Variants in ZFAND6 observed in about 807,000 individuals in gnomAD.
ZFAND6 encodes the protein zinc finger AN1-type containing 6.
Under a neutral mutation model 24.5 loss-of-function variants are expected in ZFAND6, and 12 were observed. The observed-to-expected ratio is 0.49, with a 90% CI of 0.31 to 0.79. The LOEUF (loss-of-function observed/expected upper bound fraction) is 0.79, where lower values mean the gene tolerates loss of function less well. Ranked by LOEUF, ZFAND6 falls within the 30% of genes least tolerant of loss-of-function variation. The probability of loss-of-function intolerance (pLI) is 0.04; values close to 1 mark genes in which losing one functional copy is unlikely to be tolerated. For synonymous variants in ZFAND6, 92 were observed against 81.5 expected, an observed-to-expected ratio of 1.13 and a Z score of -0.69; for missense variants, 207 against 245.9, an observed-to-expected ratio of 0.84 and a Z score of 1.06.
At chr15:80,110,163 A>G (rs2039535124) in intron 2 of ZFAND6, among the ~76,000 whole-genome samples, 1 of 152,188 alleles carries the variant, frequency 6.6e-6, no homozygotes, top group African/African-American at 2.4e-5. Context: ...AAGATATGCC[A>G]TTACTTCCAT....
In ZFAND6 at chr15:80,079,103, G is replaced by A. The variant is rs191483477; in HGVS notation, c.-181+19294G>A. Among the ~76,000 whole-genome samples, 130 of 150,212 alleles carry A rather than the reference G, an allele frequency of 8.7e-4. 1 individual carries two copies. The highest frequency in any genetic ancestry group is 2.5e-3 in the South Asian group (12 of 4,752). On this transcript the variant is annotated intron_variant, in intron 1 of 6. Coordinates refer to ENST00000261749, the MANE Select transcript of ZFAND6 (RefSeq NM_019006.4). ...TTGAGAAGTATGTGTTCTTTTGCTC[G>A]TTTTTTAATGGGATTATTTGTTTCT...
At chr15:80,101,866 C>T (rs1226709295) in intron 2 of ZFAND6, among the ~76,000 whole-genome samples, 1 of 147,016 alleles carries the variant, frequency 6.8e-6, no homozygotes, top group Non-Finnish European at 1.5e-5. Context: ...GATCTCGGCT[C>T]ACTGCAAGCT....
At chr15:80,120,528 T>C (rs79140833) in intron 3 of ZFAND6, 30 bp downstream of exon 3, 76,982 of 1,459,748 alleles carry the variant, frequency 0.053, 2,261 homozygotes, top group Non-Finnish European at 0.058. Flanking sequence ...CCCGTCTATA[T>C]TCATAATTGA....
At chr15:80,069,602 G>A (rs1240507301) in intron 1 of ZFAND6, among the ~76,000 whole-genome samples, 1 of 151,792 alleles carries the variant, frequency 6.6e-6, no homozygotes, top group Non-Finnish European at 1.5e-5. Context: ...TTTTGCCAGG[G>A]AAATATTTTT....
chr15:80,062,712 A>G (rs923475910), intron 1 of ZFAND6, among the ~76,000 whole-genome samples: 3 of 152,188 alleles, frequency 2.0e-5, no homozygotes, highest in Admixed American at 1.3e-4. Context: ...TTATTTAATT[A>G]TAAGGACAAT....
chr15:80,112,902 C>T (rs1596290617), intron 2 of ZFAND6: 1 of 455,744 alleles, frequency 2.2e-6, no homozygotes, highest in Non-Finnish European at 4.4e-6. Context: ...GAGTGTACCA[C>T]AAATCCTATT....
chr15:80,108,943 G>A (rs181458671), intron 2 of ZFAND6, among the ~76,000 whole-genome samples: 27 of 152,166 alleles, frequency 1.8e-4, no homozygotes, highest in Non-Finnish European at 3.5e-4. Context: ...GACTAGGCTG[G>A]TCTTGAACTC....
At chr15:80,102,971 CT>C (rs1255455466) in intron 2 of ZFAND6, among the ~76,000 whole-genome samples, 2 of 152,186 alleles carry the variant, frequency 1.3e-5, no homozygotes, top group African/African-American at 2.4e-5. Flanking sequence ...AGCCTTGGTA[CT>C]TTTTATGTGT....
In ZFAND6 at chr15:80,119,093, C is replaced by T. The variant is rs532913730; in HGVS notation, c.-17-1235C>T. 2.4e-3 allele frequency among the ~76,000 whole-genome samples: 181 copies of T among 75,432 alleles called. 4 individuals carry two copies. The South Asian group carries it at 0.075, about 31-fold the overall frequency. 49.5% of individuals were successfully genotyped at this position (75,432 alleles called of 152,430 possible). ...TTGTTTTTTAATAAGAAAGAGAGCC[C>T]GTTAGTACTTCTGTCATGTTATTCA... On this transcript the variant is annotated intron_variant, in intron 2 of 6. Transcript: ENST00000261749.
At chr15:80,109,801 A>G (rs2039517314) in intron 2 of ZFAND6, among the ~76,000 whole-genome samples, 1 of 152,232 alleles carries the variant, frequency 6.6e-6, no homozygotes, top group Admixed American at 6.5e-5. Context: ...AAGCTGTGTT[A>G]TCAATTGCTG....
In ZFAND6 at chr15:80,098,563, C is replaced by T. The variant is rs900032816; in HGVS notation, c.-33C>T. 1 of 152,170 alleles carries T rather than the reference C, an allele frequency of 6.6e-6. No individual in the cohort carries two copies. Among genetic ancestry groups the T allele is most frequent in the African/African-American group, 2.4e-5 (1 of 41,444 alleles). The allele number at this position is 152,170 out of a possible 1,614,324, so 9.4% of individuals were successfully genotyped here. A position where few individuals can be genotyped will look rare whatever the true frequency, so the allele number is the denominator to read the frequency against. ...TCAAGATACAGGACAGCTGTTTGCT[C>T]ATCAACCTCAACTGTGTGAGTAGAG... On this transcript the variant is annotated 5_prime_UTR_variant, in exon 2 of 7. Transcript: ENST00000261749.
At chr15:80,125,040 A>G (rs963123516) in intron 5 of ZFAND6, among the ~76,000 whole-genome samples, 11 of 152,180 alleles carry the variant, frequency 7.2e-5, no homozygotes, top group Non-Finnish European at 2.9e-5. Flanking sequence ...TTCCCTATTG[A>G]TCAAATTCAA....
chr15:80,061,137 C>G (rs867510326), intron 1 of ZFAND6, among the ~76,000 whole-genome samples: 9 of 152,166 alleles, frequency 5.9e-5, no homozygotes, highest in Admixed American at 1.3e-4. Context: ...AAAATATGCA[C>G]GTTTAGCTTT....
At chr15:80,120,567 A>C (rs971418132) in intron 3 of ZFAND6, 69 bp downstream of exon 3, 1 of 1,300,364 alleles carries the variant, frequency 7.7e-7, no homozygotes, top group Non-Finnish European at 1.0e-6. Context: ...GGTATACCCA[A>C]TACCTTTTTC....
chr15:80,091,530 A>G (rs190945934), intron 1 of ZFAND6, among the ~76,000 whole-genome samples: 2 of 152,232 alleles, frequency 1.3e-5, no homozygotes, highest in Non-Finnish European at 1.5e-5. Context: ...AAAGTGAACT[A>G]TTTTAGAGAA....
At chr15:80,095,083 T>TG in intron 1 of ZFAND6, among the ~76,000 whole-genome samples, 1 of 152,192 alleles carries the variant, frequency 6.6e-6, no homozygotes. Flanking sequence ...TTAGGGATTT[T>TG]TTTTTTCCTG....
At chr15:80,079,626 T>G (rs1266279069) in intron 1 of ZFAND6, among the ~76,000 whole-genome samples, 1 of 151,762 alleles carries the variant, frequency 6.6e-6, no homozygotes, top group Non-Finnish European at 1.5e-5. Context: ...TGATATATAA[T>G]TTGAAAAGAA....
chr15:80,118,008 G>A (rs553114687), intron 2 of ZFAND6, among the ~76,000 whole-genome samples: 2 of 125,492 alleles, frequency 1.6e-5, no homozygotes, highest in African/African-American at 5.7e-5. Flanking sequence ...TTCAATCCAG[G>A]TATTGAATTG....
chr15:80,082,875 C>T (rs959048948), intron 1 of ZFAND6, among the ~76,000 whole-genome samples: 2 of 152,012 alleles, frequency 1.3e-5, no homozygotes, highest in African/African-American at 4.8e-5. Flanking sequence ...ATTGAACTGC[C>T]CTCACCTCCC....
Sources: allele counts gnomAD v4.1 joint callset (sites outside exome capture counted in the v4.1 genomes callset), GRCh38; gene constraint gnomAD v4.1.1; transcripts MANE v1.5; gene names NCBI Gene and HGNC (gene_info 2026-07-23, HGNC 2026-07-21).